The following ANO6 variants were observed in gnomAD, a reference collection of about 807,000 sequenced individuals.
ANO6 encodes anoctamin 6, also known as anoctamin-6.
In ANO6, 106 loss-of-function variants were observed where a neutral mutation model predicts 117.5. That is an observed-to-expected ratio of 0.90 (90% CI 0.77 to 1.06). ANO6 has a LOEUF of 1.06. Among genes scored for constraint, ANO6 ranks in the 50% least tolerant of loss-of-function variants. The pLI, the probability that ANO6 is intolerant of heterozygous loss-of-function variation, is 0.00. For missense variants in ANO6, 955 were observed against 1,121.1 expected, an observed-to-expected ratio of 0.85 and a Z score of 2.12; for synonymous variants, 367 against 385.1, an observed-to-expected ratio of 0.95 and a Z score of 0.55.
chr12:45,407,029 C>T (rs1305690165), intron 15 of ANO6, among the ~76,000 whole-genome samples: 1 of 152,174 alleles, frequency 6.6e-6, no homozygotes, highest in Admixed American at 6.5e-5. Context: ...GAAAACGTAT[C>T]TGGTGTGTAT....
intron 2 of ANO6, chr12:45,313,521 G>A (rs10880770): frequency 0.95 from 144,907 of 152,066 alleles, 69,464 homozygotes; most frequent in East Asian, 1. Context: ...GGAAAGGGCT[G>A]CCTAGGATTG....
At chr12:45,245,873 A>C (rs1947817314) in intron 1 of ANO6, among the ~76,000 whole-genome samples, 1 of 152,036 alleles carries the variant, frequency 6.6e-6, no homozygotes, top group African/African-American at 2.4e-5. Context: ...TGTCTATAGA[A>C]TGAATCTGTT....
At chr12:45,373,385 C>T (rs1941903486) in intron 9 of ANO6, among the ~76,000 whole-genome samples, 1 of 151,964 alleles carries the variant, frequency 6.6e-6, no homozygotes, top group African/African-American at 2.4e-5. Context: ...CAGAATTCTC[C>T]ACCCCAAATC....
chr12:45,275,444 A>G (rs559539082), intron 1 of ANO6, among the ~76,000 whole-genome samples: 2 of 152,126 alleles, frequency 1.3e-5, no homozygotes, highest in East Asian at 1.9e-4. Flanking sequence ...TCCTGACCTC[A>G]TGATCCACAC....
intron 3 of ANO6, among the ~76,000 whole-genome samples, chr12:45,342,690 A>G (rs1344630367): frequency 6.6e-6 from 1 of 152,184 alleles, no homozygotes; most frequent in Non-Finnish European, 1.5e-5. Flanking sequence ...CACTCAGTTT[A>G]TTCATTCATC....
chr12:45,328,242 C>G (rs151226374), intron 2 of ANO6, among the ~76,000 whole-genome samples: 1 of 152,228 alleles, frequency 6.6e-6, no homozygotes, highest in Non-Finnish European at 1.5e-5. Context: ...GAGCTGACTT[C>G]CTGTGTGGCT....
intron 2 of ANO6, among the ~76,000 whole-genome samples, chr12:45,329,008 A>G (rs1480895391): frequency 6.6e-6 from 1 of 152,178 alleles, no homozygotes; most frequent in Non-Finnish European, 1.5e-5. Context: ...AATCTCAGTA[A>G]ATGACAACCG....
intron 2 of ANO6, among the ~76,000 whole-genome samples, chr12:45,316,550 A>G (rs1301143244): frequency 6.6e-6 from 1 of 152,090 alleles, no homozygotes; most frequent in Non-Finnish European, 1.5e-5. Flanking sequence ...TTTAGATGGA[A>G]TGGAGTCTTG....
chr12:45,369,650 G>A (rs1941773317), intron 9 of ANO6, among the ~76,000 whole-genome samples: 2 of 152,034 alleles, frequency 1.3e-5, no homozygotes, highest in Non-Finnish European at 2.9e-5. Context: ...AAAAGAAAAA[G>A]CACTTTTTCT....
At chr12:45,427,782 A>G (rs78315955) in intron 19 of ANO6, among the ~76,000 whole-genome samples, 20 of 151,548 alleles carry the variant, frequency 1.3e-4, no homozygotes, top group Non-Finnish European at 2.8e-4. Flanking sequence ...AACATGGCAA[A>G]ACCCAAAATT....
At chr12:45,284,896 C>T (rs1028145472) in intron 1 of ANO6, among the ~76,000 whole-genome samples, 1 of 152,154 alleles carries the variant, frequency 6.6e-6, no homozygotes, top group Non-Finnish European at 1.5e-5. Context: ...TGGAACAAGC[C>T]TCAGGATTAT....
At chr12:45,388,387 G>A (rs768189517) in intron 11 of ANO6, 84 bp downstream of exon 11, 13 of 1,565,772 alleles carry the variant, frequency 8.3e-6, no homozygotes, top group Non-Finnish European at 1.1e-5. Context: ...ATCACTTGGG[G>A]GAGCTTAAAA....
intron 1 of ANO6, among the ~76,000 whole-genome samples, chr12:45,221,477 G>T (rs1288477153): frequency 6.6e-6 from 1 of 152,188 alleles, no homozygotes; most frequent in Non-Finnish European, 1.5e-5. Flanking sequence ...AGGCTATGCC[G>T]TGAAGGATCC....
At chr12:45,286,490 A>G (rs1409042290) in intron 1 of ANO6, among the ~76,000 whole-genome samples, 1 of 152,240 alleles carries the variant, frequency 6.6e-6, no homozygotes, top group Non-Finnish European at 1.5e-5. Flanking sequence ...AGAATGCAAA[A>G]AATGGAATTT....
chr12:45,251,237 C>T (rs898860402), intron 1 of ANO6, among the ~76,000 whole-genome samples: 6 of 152,178 alleles, frequency 3.9e-5, no homozygotes, highest in African/African-American at 1.4e-4. Flanking sequence ...CTTAACCCAT[C>T]TGGGTCTTAG....
At chr12:45,386,722 C>G (rs1431584701) in intron 10 of ANO6, among the ~76,000 whole-genome samples, 2 of 152,250 alleles carry the variant, frequency 1.3e-5, no homozygotes, top group Admixed American at 6.5e-5. Context: ...TGCCCCACCT[C>G]CATCACACCT....
rs570363919 is a variant in ANO6 at position 45,216,504 on chromosome 12, C to T, written c.70+113C>T. 5.8e-4 allele frequency: 707 copies of T among 1,213,524 alleles called. 2 individuals carry two copies. In the African/African-American group the frequency reaches 9.3e-3, roughly 16 times the overall value. 75.2% of individuals were successfully genotyped at this position (1,213,524 alleles called of 1,614,324 possible). A position where few individuals can be genotyped will look rare whatever the true frequency, so the allele number is the denominator to read the frequency against. Reference sequence around the variant, plus strand: ...CGCGGGGGAGGTTGGCCGAGACGCTCGGCCGCTCCGGGCAGGGGAGGAAGC... The same window carrying T: ...CGCGGGGGAGGTTGGCCGAGACGCTTGGCCGCTCCGGGCAGGGGAGGAAGC... On this transcript the variant is annotated intron_variant, in intron 1 of 19. Transcript: ENST00000320560.
At position 45,222,218 on chromosome 12, in the gene ANO6, T is replaced by A. The variant is rs550829564; in HGVS notation, c.70+5827T>A. Among the ~76,000 whole-genome samples, 10 of 151,990 alleles carry A rather than the reference T, an allele frequency of 6.6e-5. No homozygotes were observed. In the East Asian group the frequency reaches 1.7e-3, roughly 26 times the overall value. The stretch of plus-strand genomic sequence containing the variant: ...CTCTGTTGCCCAGGCTGGAGTGCAA[T>A]GGCTCAATATCAGCTCACTGCAACC... On this transcript the variant is annotated intron_variant, in intron 1 of 19. Coordinates refer to ENST00000320560, the MANE Select transcript of ANO6 (RefSeq NM_001025356.3).
At position 45,421,146 on chromosome 12, in the gene ANO6, G is replaced by A. The variant is rs569876357; in HGVS notation, c.2293G>A (p.Gly765Arg). The change falls in exon 18 of 20, where the codon GGG (glycine) becomes AGG (arginine). Residue 765 changes from glycine to arginine, a missense_variant. Coordinates refer to ENST00000320560, the MANE Select transcript of ANO6 (RefSeq NM_001025356.3). ...YYWSFSVPPY[G>R]DHTSYTMEGY... ...CTGGTCCTTCTCCGTCCCTCCCTAC[G>A]GGGACCACACTTCCTACACCATGGA... The A allele has an allele frequency of 5.9e-5, 96 of 1,614,046 alleles. No homozygotes were observed. In the South Asian group the frequency reaches 7.1e-4, roughly 12 times the overall value.
Sources: gnomAD v4.1 joint callset for allele counts (sites outside exome capture counted in the v4.1 genomes callset) on GRCh38, gnomAD v4.1.1 for gene constraint, MANE v1.5 for transcripts, NCBI Gene and HGNC (gene_info 2026-07-23, HGNC 2026-07-21) for gene names.